Variants in FARS2 observed in about 807,000 individuals in gnomAD.
FARS2 encodes the protein phenylalanine--tRNA ligase, mitochondrial.
In FARS2, 40 loss-of-function variants were observed where a neutral mutation model predicts 46.4. That is an observed-to-expected ratio of 0.86 (90% CI 0.67 to 1.12). The LOEUF is 1.12. Ranked by LOEUF, FARS2 falls within the 50% of genes most tolerant of loss-of-function variation. The pLI is 0.00. For synonymous variants in FARS2, 234 were observed against 214.9 expected (o/e 1.09, Z -0.78); for missense variants, 513 against 567.9 (o/e 0.90, Z 0.98).
intron 2 of FARS2, among the ~76,000 whole-genome samples, chr6:5,392,322 A>G (rs1360826681): frequency 6.6e-6 from 1 of 152,148 alleles, no homozygotes; most frequent in South Asian, 2.1e-4. Flanking sequence ...TGTTGTGCAC[A>G]TGGCCTTATG....
intron 1 of FARS2, among the ~76,000 whole-genome samples, chr6:5,284,200 G>C (rs73718036): frequency 0.023 from 3,429 of 152,270 alleles, 130 homozygotes; most frequent in African/African-American, 0.076. Context: ...TCGGGGGATC[G>C]TTCTGTCATT....
At chr6:5,547,478 A>G (rs1291887151) in intron 5 of FARS2, among the ~76,000 whole-genome samples, 1 of 151,924 alleles carries the variant, frequency 6.6e-6, no homozygotes, top group Non-Finnish European at 1.5e-5. Context: ...TGCTAAGGTG[A>G]CTAGGCCAGA....
In FARS2 at chr6:5,265,862, C is replaced by T. The variant is rs1765516724; in HGVS notation, c.-22+4202C>T. On this transcript the variant is annotated intron_variant, in intron 1 of 6. Transcript: ENST00000274680. ...CAGTGCAAGGAGAGGTCACTTCATC[C>T]CTGATGCTTGGGCCACACCTCAGAC... is the stretch of plus-strand genomic sequence containing the variant. 2.0e-5 allele frequency among the ~76,000 whole-genome samples: 3 copies of T among 152,136 alleles called. No individual in the cohort carries two copies. In the South Asian group the frequency reaches 6.2e-4, roughly 31 times the overall value.
At chr6:5,567,498 C>T (rs1327151935) in intron 5 of FARS2, among the ~76,000 whole-genome samples, 1 of 152,004 alleles carries the variant, frequency 6.6e-6, no homozygotes, top group African/African-American at 2.4e-5. Context: ...ACATTTAGAC[C>T]ATTACTGGCC....
At chr6:5,535,124 T>G (rs1035225054) in intron 4 of FARS2, among the ~76,000 whole-genome samples, 4 of 152,234 alleles carry the variant, frequency 2.6e-5, no homozygotes, top group African/African-American at 7.2e-5. Context: ...CTGATAATGT[T>G]GAGTATCTTT....
intron 4 of FARS2, among the ~76,000 whole-genome samples, chr6:5,541,317 A>G (rs1231254793): frequency 6.6e-6 from 1 of 152,178 alleles, no homozygotes; most frequent in Non-Finnish European, 1.5e-5. Context: ...GTATGTTTGA[A>G]ATGCCAGTTT....
chr6:5,546,255 C>T (rs1435965742), intron 5 of FARS2, among the ~76,000 whole-genome samples: 1 of 122,140 alleles, frequency 8.2e-6, no homozygotes, highest in Non-Finnish European at 1.7e-5. Context: ...CAATTTTGTA[C>T]TTTTTTTTTT....
chr6:5,648,205 A>G (rs1777170369), intron 6 of FARS2, among the ~76,000 whole-genome samples: 1 of 152,194 alleles, frequency 6.6e-6, no homozygotes, highest in Admixed American at 6.5e-5. Flanking sequence ...ACATTCCTCA[A>G]GTTAAACACA....
At chr6:5,257,735 C>G (rs1174669144), upstream of FARS2, among the ~76,000 whole-genome samples, 1 of 152,170 alleles carries the variant, frequency 6.6e-6, no homozygotes, top group East Asian at 1.9e-4. Context: ...GCCTGATGAT[C>G]TGAGGTGGAA....
At position 5,528,316 on chromosome 6, in the gene FARS2, A is replaced by T. The variant is rs1400621780; in HGVS notation, c.905-16864A>T. ...AGTAGCTGGGACTACAGGTACATAT[A>T]TGTCATTGTGCCTAGTTCACCTTGA... On this transcript the variant is annotated intron_variant, in intron 4 of 6. Transcript: ENST00000274680. 2.0e-5 allele frequency among the ~76,000 whole-genome samples: 3 copies of T among 151,972 alleles called. No individual in the cohort carries two copies. In the East Asian group the frequency reaches 5.8e-4, roughly 29 times the overall value.
At chr6:5,392,085 A>T (rs1760552917) in intron 2 of FARS2, among the ~76,000 whole-genome samples, 1 of 152,238 alleles carries the variant, frequency 6.6e-6, no homozygotes, top group Admixed American at 6.5e-5. Context: ...CCAAACATAA[A>T]GGTAAGTGAG....
chr6:5,297,633 G>A (rs1767985945), intron 1 of FARS2, among the ~76,000 whole-genome samples: 1 of 150,536 alleles, frequency 6.6e-6, no homozygotes, highest in Admixed American at 6.7e-5. Flanking sequence ...GGGCAACAAG[G>A]GTGAAACTCT....
chr6:5,396,405 A>G (rs1040204301), intron 2 of FARS2, among the ~76,000 whole-genome samples: 2 of 152,196 alleles, frequency 1.3e-5, no homozygotes, highest in African/African-American at 2.4e-5. Context: ...TCATTTGGCT[A>G]CAAGGCTGGA....
chr6:5,540,284 A>G (rs1299406881), intron 4 of FARS2, among the ~76,000 whole-genome samples: 2 of 152,242 alleles, frequency 1.3e-5, no homozygotes, highest in Non-Finnish European at 2.9e-5. Flanking sequence ...AATAGAATGT[A>G]GATTTACCTT....
intron 6 of FARS2, among the ~76,000 whole-genome samples, chr6:5,744,752 C>T (rs867280142): frequency 6.6e-5 from 10 of 152,310 alleles, no homozygotes; most frequent in East Asian, 1.9e-4. Context: ...AGGGCAGTCC[C>T]GTGATTGGCG....
intron 5 of FARS2, among the ~76,000 whole-genome samples, chr6:5,591,957 T>C (rs1170665443): frequency 6.6e-6 from 1 of 152,252 alleles, no homozygotes; most frequent in Non-Finnish European, 1.5e-5. Flanking sequence ...TAGCTTTCTA[T>C]ACATATTTGT....
At chr6:5,583,081 A>G (rs1195955550) in intron 5 of FARS2, among the ~76,000 whole-genome samples, 7 of 152,350 alleles carry the variant, frequency 4.6e-5, no homozygotes, top group Non-Finnish European at 1.0e-4. Context: ...CCTCTAAACA[A>G]ACATCTTACC....
At chr6:5,532,993 G>C (rs145064344) in intron 4 of FARS2, among the ~76,000 whole-genome samples, 45 of 151,774 alleles carry the variant, frequency 3.0e-4, no homozygotes, top group African/African-American at 1.0e-3. Flanking sequence ...CTTGTCTCTT[G>C]TAACAAAACA....
intron 1 of FARS2, among the ~76,000 whole-genome samples, chr6:5,321,961 A>C (rs1770010034): frequency 6.6e-6 from 1 of 152,242 alleles, no homozygotes; most frequent in African/African-American, 2.4e-5. Context: ...ATTTTCAACC[A>C]GCTCTTGGTG....
Sources: gnomAD v4.1 joint callset for allele counts (sites outside exome capture counted in the v4.1 genomes callset) on GRCh38, gnomAD v4.1.1 for gene constraint, MANE v1.5 for transcripts, NCBI Gene and HGNC (gene_info 2026-07-23, HGNC 2026-07-21) for gene names.